The following RAI14 variants were observed in gnomAD, a reference collection of about 807,000 sequenced individuals.
The protein encoded by RAI14 is ankycorbin.
A neutral mutation model predicts 115.4 loss-of-function variants in RAI14; 45 were observed. The ratio of observed to expected loss-of-function variants is 0.39; its 90% confidence interval spans 0.31 to 0.50. The LOEUF (loss-of-function observed/expected upper bound fraction) is 0.50, where lower values mean the gene tolerates loss of function less well. Ranked by LOEUF, RAI14 falls within the 20% of genes least tolerant of loss-of-function variation. RAI14 has a pLI of 0.85. For synonymous variants in RAI14, 371 were observed against 415.4 expected (o/e 0.89, Z 1.30); for missense variants, 939 against 1,131.2 (o/e 0.83, Z 2.44).
Position 34,807,812 on chromosome 5 carries a change from G to C in RAI14, c.334G>C (p.Ala112Pro), listed in dbSNP as rs775933579. 1 of 1,610,192 alleles carries C rather than the reference G, an allele frequency of 6.2e-7. No individual in the cohort carries two copies. The highest frequency in any genetic ancestry group is 8.5e-7 in the Non-Finnish European group (1 of 1,176,398). ...TTTTGTCTTATAGTCTAAATGCCCAGCCGAAAGTGTCGACAGCTCTGGGAA... is the reference window on the plus strand; with the variant it reads ...TTTTGTCTTATAGTCTAAATGCCCACCCGAAAGTGTCGACAGCTCTGGGAA... ...IRKLLQSKCP[A>P]ESVDSSGKTA... is the part of the protein sequence containing the mutation. Residue 112 changes from alanine (A) to proline (P), a missense_variant, in exon 6 of 18, where the codon GCC (alanine) becomes CCC (proline). Physicochemically the swap from Ala to Pro is conservative, Grantham distance 27. Coordinates refer to ENST00000265109, the MANE Select transcript of RAI14 (RefSeq NM_015577.3).
intron 3 of RAI14, among the ~76,000 whole-genome samples, chr5:34,759,891 G>T (rs1748396482): frequency 6.6e-6 from 1 of 152,050 alleles, no homozygotes; most frequent in South Asian, 2.1e-4. Context: ...ATAAAGAGTG[G>T]CACAGCACCC....
intron 4 of RAI14, among the ~76,000 whole-genome samples, chr5:34,801,488 A>AATCC (rs1417731487): frequency 4.0e-5 from 5 of 123,794 alleles, no homozygotes; most frequent in Non-Finnish European, 9.3e-5. Context: ...TCATGCCTGT[A>AATCC]ATCCACACTT....
intron 2 of RAI14, among the ~76,000 whole-genome samples, chr5:34,696,064 C>G (rs753593786): frequency 2.0e-5 from 3 of 152,216 alleles, no homozygotes; most frequent in Non-Finnish European, 4.4e-5. Flanking sequence ...AAGCAATACT[C>G]CTGCCTTGGC....
At chr5:34,698,516 G>T (rs1400176781) in intron 2 of RAI14, among the ~76,000 whole-genome samples, 1 of 151,982 alleles carries the variant, frequency 6.6e-6, no homozygotes, top group African/African-American at 2.4e-5. Context: ...AGTGACTCTG[G>T]TGTGTGGCCA....
At chr5:34,723,280 T>C (rs1171788875) in intron 2 of RAI14, among the ~76,000 whole-genome samples, 7 of 152,096 alleles carry the variant, frequency 4.6e-5, no homozygotes, top group Admixed American at 6.6e-5. Flanking sequence ...AAAAGGAGAT[T>C]GATTGATTCT....
intron 2 of RAI14, among the ~76,000 whole-genome samples, chr5:34,746,988 T>C (rs1002146970): frequency 2.2e-4 from 33 of 152,332 alleles, no homozygotes; most frequent in South Asian, 4.1e-4. Context: ...CTCTTCCCAC[T>C]GCCATGTAAG....
At chr5:34,724,542 T>C (rs571676408) in intron 2 of RAI14, among the ~76,000 whole-genome samples, 8 of 152,186 alleles carry the variant, frequency 5.3e-5, no homozygotes, top group African/African-American at 1.9e-4. Flanking sequence ...AAGAGTAAAG[T>C]GATAAAACTG....
chr5:34,731,766 A>G (rs1214656625), intron 2 of RAI14, among the ~76,000 whole-genome samples: 1 of 152,230 alleles, frequency 6.6e-6, no homozygotes, highest in Admixed American at 6.5e-5. Context: ...TGTCATCTCA[A>G]CTTCTGTTTT....
At chr5:34,725,252 A>G (rs946850742) in intron 2 of RAI14, among the ~76,000 whole-genome samples, 8 of 152,146 alleles carry the variant, frequency 5.3e-5, no homozygotes, top group African/African-American at 1.9e-4. Context: ...GAAATATATG[A>G]CCATTATGAA....
intron 4 of RAI14, among the ~76,000 whole-genome samples, chr5:34,801,767 A>G (rs1754299008): frequency 6.6e-6 from 1 of 151,896 alleles, no homozygotes; most frequent in African/African-American, 2.4e-5. Context: ...GGCCTGGGCC[A>G]CCATCATATA....
chr5:34,709,250 C>T (rs1224573163), intron 2 of RAI14, among the ~76,000 whole-genome samples: 1 of 152,040 alleles, frequency 6.6e-6, no homozygotes, highest in Non-Finnish European at 1.5e-5. Flanking sequence ...GAGTTTGAGA[C>T]CAGTCTGGCC....
chr5:34,785,108 T>C (rs1752139093), intron 3 of RAI14, among the ~76,000 whole-genome samples: 1 of 152,228 alleles, frequency 6.6e-6, no homozygotes, highest in South Asian at 2.1e-4. Flanking sequence ...TGGAGCTATG[T>C]GTCCTTTTCC....
chr5:34,828,270 AG>A (rs1472105791), intron 16 of RAI14, among the ~76,000 whole-genome samples: 2 of 152,182 alleles, frequency 1.3e-5, no homozygotes, highest in East Asian at 3.9e-4. Context: ...TGATAGAGGC[AG>A]GGCTACAACC....
intron 3 of RAI14, among the ~76,000 whole-genome samples, chr5:34,761,446 T>C (rs1174043036): frequency 1.3e-5 from 2 of 152,230 alleles, no homozygotes; most frequent in Non-Finnish European, 2.9e-5. Flanking sequence ...CCCAAAGTGT[T>C]GGGATTACAG....
chr5:34,767,734 G>A (rs571484762), intron 3 of RAI14, among the ~76,000 whole-genome samples: 130 of 151,802 alleles, frequency 8.6e-4, no homozygotes, highest in African/African-American at 3.0e-3. Flanking sequence ...CTGCCTCTCT[G>A]AAATCACCTA....
At chr5:34,776,281 G>C (rs772786043) in intron 3 of RAI14, among the ~76,000 whole-genome samples, 7 of 152,270 alleles carry the variant, frequency 4.6e-5, no homozygotes, top group Middle Eastern at 6.8e-3. Context: ...TGGGTTGGGG[G>C]AAAGTGGGGA....
chr5:34,774,439 A>G (rs73078626), intron 3 of RAI14, among the ~76,000 whole-genome samples: 8,586 of 152,106 alleles, frequency 0.056, 295 homozygotes, highest in Middle Eastern at 0.16. Flanking sequence ...AAATCAACAT[A>G]AAAAATCAGT....
chr5:34,685,543 C>A (rs1278106693), intron 1 of RAI14, among the ~76,000 whole-genome samples: 1 of 151,202 alleles, frequency 6.6e-6, no homozygotes, highest in Admixed American at 6.6e-5. Flanking sequence ...TATCAAAAAA[C>A]TACCTATACC....
intron 1 of RAI14, among the ~76,000 whole-genome samples, chr5:34,670,181 A>C (rs951290689): frequency 2.6e-5 from 4 of 152,216 alleles, no homozygotes; most frequent in Non-Finnish European, 5.9e-5. Flanking sequence ...TCCGTCTTTG[A>C]AGGCAACTGA....
Sources: gnomAD v4.1 joint callset for allele counts (sites outside exome capture counted in the v4.1 genomes callset) on GRCh38, gnomAD v4.1.1 for gene constraint, MANE v1.5 for transcripts, NCBI Gene and HGNC (gene_info 2026-07-23, HGNC 2026-07-21) for gene names.